The following NDUFB11 variants were observed in gnomAD, a reference collection of about 807,000 sequenced individuals.
NDUFB11 encodes the protein NADH:ubiquinone oxidoreductase subunit B11, also known as NADH dehydrogenase [ubiquinone] 1 beta subcomplex subunit 11, mitochondrial.
For synonymous variants in NDUFB11, 51 were observed against 57.4 expected (o/e 0.89, Z 0.51); for missense variants, 108 against 133.8 (o/e 0.81, Z 0.95).
At chrX:47,145,294 T>G (rs1932011120), upstream of NDUFB11, 3 of 597,216 alleles carry the variant, frequency 5.0e-6, no homozygotes, top group African/African-American at 4.5e-5. Context: ...TGTGGCCGGC[T>G]GGGAGTAGGC....
At chrX:47,144,128 TAA>T (rs781935812) in intron 1 of NDUFB11, among the ~76,000 whole-genome samples, 5 of 86,328 alleles carry the variant, frequency 5.8e-5, no homozygotes, top group Non-Finnish European at 2.3e-5. Flanking sequence ...CTCGTCCCTA[TAA>T]AAAAAAAAAA....
At chrX:47,144,444 C>G in intron 1 of NDUFB11, 29 bp downstream of exon 1, 8 of 295,953 alleles carry the variant, frequency 2.7e-5, no homozygotes, top group Non-Finnish European at 3.6e-5. Flanking sequence ...TCCGTCCCCA[C>G]TACCCCCCCC....
upstream of NDUFB11, chrX:47,145,125 T>C: frequency 2.7e-6 from 1 of 367,184 alleles, no homozygotes; most frequent in Non-Finnish European, 4.8e-6. Context: ...GCAAGGGGTG[T>C]GGGGAGGTGG....
At chrX:47,145,239 G>A (rs2147054660), upstream of NDUFB11, 3 of 464,966 alleles carry the variant, frequency 6.5e-6, no homozygotes, top group South Asian at 3.1e-5. Flanking sequence ...GATGGTGGTC[G>A]GAGCGCCGAC....
chrX:47,145,209 G>C (rs1405022752), upstream of NDUFB11: 2 of 438,854 alleles, frequency 4.6e-6, no homozygotes, highest in Non-Finnish European at 8.0e-6. Context: ...GCCGGCCAGA[G>C]CGCGCTTCCT....
In NDUFB11 at chrX:47,144,696, G is replaced by A; in HGVS notation, c.-17C>T. ...AGCCGCCATGACAGATGGTGCTGCAGGGTCTCAGGGGCGGGGAAAGAAATG... is the reference window on the plus strand; with the variant it reads ...AGCCGCCATGACAGATGGTGCTGCAAGGTCTCAGGGGCGGGGAAAGAAATG... On this transcript the variant is annotated 5_prime_UTR_variant, in exon 1 of 3. Transcript: ENST00000377811. 1 of 1,124,516 alleles carries A rather than the reference G, an allele frequency of 8.9e-7. No individual in the cohort carries two copies. Among genetic ancestry groups the A allele is most frequent in the Non-Finnish European group, 1.2e-6 (1 of 848,976 alleles). The allele number at this position is 1,124,516 out of a possible 1,213,427, so 92.7% of individuals were successfully genotyped here.
chrX:47,144,445 T>TGGGGGCCC, intron 1 of NDUFB11, 28 bp downstream of exon 1: 1 of 61,005 alleles, frequency 1.6e-5, no homozygotes, highest in Non-Finnish European at 2.6e-5. Flanking sequence ...CCGTCCCCAC[T>TGGGGGCCC]ACCCCCCCCC....
chrX:47,144,446 ACCCCCCCCC>A lies in NDUFB11; in HGVS notation c.207+18_207+26del, dbSNP rs374822796. Reference sequence around the variant, plus strand: ...ACCCCTTCGGGGTTCCGTCCCCACTACCCCCCCCCCCCCCCCCGCCTCTCACCTTCTCAT... The same window carrying A: ...ACCCCTTCGGGGTTCCGTCCCCACTACCCCCCCCGCCTCTCACCTTCTCAT... On this transcript the variant is annotated intron_variant, in intron 1 of 2. Transcript: ENST00000377811. 1.2e-3 allele frequency: 62 copies of A among 53,776 alleles called. 9 individuals carry two copies. Among genetic ancestry groups the A allele is most frequent in the Non-Finnish European group, 1.7e-3 (52 of 30,135 alleles). The allele number at this position is 53,776 out of a possible 1,213,427, so 4.4% of individuals were successfully genotyped here.
At position 47,142,338 on chromosome X, in the gene NDUFB11, G is replaced by T; in HGVS notation, c.441C>A (p.Ile147=). The change falls in exon 3 of 3, where the codon ATC becomes ATA. Residue 147 remains isoleucine, a synonymous_variant. Transcript: ENST00000377811. ...CTGGTCACTCATCCTCTGGCAGCTG[G>T]ATCTTGCTGGGGTCGAAGCAGTTGG... ...MESNCFDPSK[I]QLPEDE 8.3e-7 allele frequency: 1 copy of T among 1,210,277 alleles called. No individual in the cohort carries two copies.
intron 1 of NDUFB11, among the ~76,000 whole-genome samples, chrX:47,143,914 C>T (rs1931867151): frequency 8.9e-6 from 1 of 111,865 alleles, no homozygotes; most frequent in Non-Finnish European, 1.9e-5. Flanking sequence ...GTTTCCTCAT[C>T]TGTAGGATGA....
At position 47,142,407 on chromosome X, in the gene NDUFB11, C is replaced by G. The variant is rs1366618422; in HGVS notation, c.372G>C (p.Arg124Ser). The G allele has an allele frequency of 8.3e-7, 1 of 1,211,904 alleles. No individual in the cohort carries two copies. Among genetic ancestry groups the G allele is most frequent in the East Asian group, 3.0e-5 (1 of 33,842 alleles). The change falls in exon 3 of 3, where the codon AGG becomes AGC. Residue 124 changes from arginine to serine, a missense_variant. Transcript: ENST00000377811. ...CATTGGCCTCTCGGTATTTCACAAG[C>G]CTCTCAGCTTCGCGGCGGGACCACT... ...MKEWSRREAE[R>S]LVKYREANGL...
In NDUFB11 at chrX:47,142,295, T is replaced by C; in HGVS notation, c.*22A>G. ...CAGGGGGTGGGGAAGGCGGTGCTTC[T>C]TGAGCCCCACTTAGCAACTGGTCAC... On this transcript the variant is annotated 3_prime_UTR_variant, in exon 3 of 3. Transcript: ENST00000377811. 1 of 1,202,597 alleles carries C rather than the reference T, an allele frequency of 8.3e-7. No homozygotes were observed. Among genetic ancestry groups the C allele is most frequent in the Non-Finnish European group, 1.1e-6 (1 of 892,303 alleles).
In NDUFB11 at chrX:47,142,679, G is replaced by A. The variant is rs782596671; in HGVS notation, c.273C>T (p.Phe91=). 10 of 1,210,431 alleles carry A rather than the reference G, an allele frequency of 8.3e-6. No homozygotes were observed. The highest frequency in any genetic ancestry group is 3.5e-5 in the African/African-American group (2 of 57,272). Residue 91 remains phenylalanine, a synonymous_variant, in exon 2 of 3, where the codon TTC becomes TTT. Transcript: ENST00000377811. ...CCAGGATGATGGAGACGCCAAAGAA[G>A]AAGACAAGTCGCATGTTCCAGACGT... ...VLDVWNMRLV[F]FFGVSIILVL...
intron 1 of NDUFB11, 68 bp from the exon 2 acceptor site, chrX:47,142,812 A>G: frequency 9.0e-7 from 1 of 1,107,122 alleles, no homozygotes; most frequent in African/African-American, 1.8e-5. Flanking sequence ...GCCCTGCATA[A>G]CTTGGTCTCC....
Position 47,142,314 on chromosome X carries a change from T to C in NDUFB11, c.*3A>G. 1 of 1,207,308 alleles carries C rather than the reference T, an allele frequency of 8.3e-7. No individual in the cohort carries two copies. The highest frequency in any genetic ancestry group is 1.1e-6 in the Non-Finnish European group (1 of 893,985). On this transcript the variant is annotated 3_prime_UTR_variant, in exon 3 of 3. Transcript: ENST00000377811. The stretch of plus-strand genomic sequence containing the variant: ...TGCTTCTTGAGCCCCACTTAGCAAC[T>C]GGTCACTCATCCTCTGGCAGCTGGA...
chrX:47,145,430 G>A, upstream of NDUFB11: 2 of 1,154,501 alleles, frequency 1.7e-6, no homozygotes, highest in Non-Finnish European at 2.3e-6. Context: ...TGGAGGAGGT[G>A]GCGGCGGGCA....
upstream of NDUFB11, chrX:47,145,261 C>G (rs782395870): frequency 2.0e-6 from 1 of 497,601 alleles, no homozygotes; most frequent in African/African-American, 2.3e-5. Context: ...CCCTTCTCGT[C>G]GTCGCCATTT....
At chrX:47,142,828 C>T in intron 1 of NDUFB11, 84 bp from the exon 2 acceptor site, 1 of 1,014,204 alleles carries the variant, frequency 9.9e-7, no homozygotes, top group South Asian at 2.3e-5. Context: ...TCTCCATGTG[C>T]CCCTCTCACT....
At chrX:47,144,957 A>G (rs1352357577), upstream of NDUFB11, 3 of 321,921 alleles carry the variant, frequency 9.3e-6, no homozygotes, top group Non-Finnish European at 1.1e-5. Flanking sequence ...ATTTGGGTGG[A>G]TACAGTTCCC....
Sources: gnomAD v4.1 joint callset for allele counts (sites outside exome capture counted in the v4.1 genomes callset) on GRCh38, gnomAD v4.1.1 for gene constraint, MANE v1.5 for transcripts, NCBI Gene and HGNC (gene_info 2026-07-23, HGNC 2026-07-21) for gene names.